Variants in LTBP2 observed in about 807,000 individuals in gnomAD.
LTBP2 encodes latent transforming growth factor beta binding protein 2.
Under a neutral mutation model 210.6 loss-of-function variants are expected in LTBP2, and 103 were observed. That is an observed-to-expected ratio of 0.49 (90% CI 0.42 to 0.58). LTBP2 has a LOEUF of 0.58. Ranked by LOEUF, LTBP2 falls within the 20% of genes least tolerant of loss-of-function variation. LTBP2 has a pLI of 0.00. For synonymous variants in LTBP2, 1,007 were observed against 1,015.0 expected, an observed-to-expected ratio of 0.99 and a Z score of 0.15; for missense variants, 2,313 against 2,494.5, an observed-to-expected ratio of 0.93 and a Z score of 1.55.
chr14:74,609,095 A>G (rs955313454), intron 1 of LTBP2, among the ~76,000 whole-genome samples: 1 of 152,200 alleles, frequency 6.6e-6, no homozygotes, highest in African/African-American at 2.4e-5. Context: ...TCTGCAGCTC[A>G]CAAGGCAATG....
chr14:74,577,270 C>T (rs1422849295), intron 3 of LTBP2, among the ~76,000 whole-genome samples: 2 of 152,132 alleles, frequency 1.3e-5, no homozygotes, highest in Non-Finnish European at 2.9e-5. Context: ...GAGTTAACCC[C>T]GCAGAGAAAG....
chr14:74,540,944 A>ATATT (rs1248514534), intron 8 of LTBP2, among the ~76,000 whole-genome samples: 4 of 24,300 alleles, frequency 1.6e-4, no homozygotes, highest in Non-Finnish European at 4.6e-4. Flanking sequence ...ATATATATAT[A>ATATT]TTTTTTATAT....
chr14:74,505,540 A>C (rs1434740087), intron 28 of LTBP2, among the ~76,000 whole-genome samples: 1 of 152,126 alleles, frequency 6.6e-6, no homozygotes, highest in Non-Finnish European at 1.5e-5. Flanking sequence ...CCTCTGGTCC[A>C]TTCTGCTTCA....
Position 74,499,586 on chromosome 14 carries a change from G to A in LTBP2, c.*1298C>T, listed in dbSNP as rs1289381579. ...TTGCCATTCATCAGAGAAGTACGAA[G>A]TCAGAGCTTTCCTTGTCTTTTAATA... On this transcript the variant is annotated 3_prime_UTR_variant, in exon 36 of 36. Coordinates refer to ENST00000261978, the MANE Select transcript of LTBP2 (RefSeq NM_000428.3). 4.4e-6 allele frequency: 1 copy of A among 228,058 alleles called. No individual in the cohort carries two copies. The highest frequency in any genetic ancestry group is 2.2e-5 in the African/African-American group (1 of 45,042). The allele number at this position is 228,058 out of a possible 1,614,324, so 14.1% of individuals were successfully genotyped here. A position where few individuals can be genotyped will look rare whatever the true frequency, so the allele number is the denominator to read the frequency against.
chr14:74,595,934 T>C (rs1290907174), intron 2 of LTBP2, among the ~76,000 whole-genome samples: 2 of 152,190 alleles, frequency 1.3e-5, no homozygotes, highest in African/African-American at 4.8e-5. Flanking sequence ...TGGTTGCTCA[T>C]GCCTGTAATC....
intron 17 of LTBP2, among the ~76,000 whole-genome samples, chr14:74,518,217 A>G (rs563755114): frequency 2.0e-5 from 3 of 152,322 alleles, no homozygotes; most frequent in Admixed American, 1.3e-4. Flanking sequence ...GTGCAGATTA[A>G]ATACAATAAT....
chr14:74,600,790 C>T (rs1044598095), intron 2 of LTBP2, among the ~76,000 whole-genome samples: 12 of 152,330 alleles, frequency 7.9e-5, no homozygotes, highest in Admixed American at 2.0e-4. Context: ...GTCCCAGTCC[C>T]TCCTGCCCAG....
At chr14:74,553,602 G>A (rs1370467711) in intron 4 of LTBP2, among the ~76,000 whole-genome samples, 1 of 152,124 alleles carries the variant, frequency 6.6e-6, no homozygotes, top group Non-Finnish European at 1.5e-5. Flanking sequence ...CAAGGATCAG[G>A]CACTTTATTT....
chr14:74,511,368 C>A lies in LTBP2; in HGVS notation c.2909-4G>T. ...GGGTGACGGCATTCGTTGATATCTG[C>A]AAAACAGCAGCCCCTCCCTTGGTCA... On this transcript the variant is annotated splice_polypyrimidine_tract_variant and splice_region_variant and intron_variant, in intron 18 of 35. Coordinates refer to ENST00000261978, the MANE Select transcript of LTBP2 (RefSeq NM_000428.3). 6.2e-7 allele frequency: 1 copy of A among 1,613,976 alleles called. No individual in the cohort carries two copies. Among genetic ancestry groups the A allele is most frequent in the South Asian group, 1.1e-5 (1 of 91,086 alleles).
chr14:74,596,258 TAA>T (rs1566653960), intron 2 of LTBP2, among the ~76,000 whole-genome samples: 205 of 150,172 alleles, frequency 1.4e-3, no homozygotes, highest in South Asian at 4.6e-3. Context: ...AATAAATAAA[TAA>T]ATAAAAATTA....
chr14:74,528,759 C>A, intron 11 of LTBP2, 61 bp from the exon 12 acceptor site: 1 of 1,582,982 alleles, frequency 6.3e-7, no homozygotes. Flanking sequence ...AAACCAGGGC[C>A]TTCCTTTCCC....
chr14:74,553,200 G>A, intron 4 of LTBP2, 138 bp from the exon 5 acceptor site: 1 of 835,990 alleles, frequency 1.2e-6, no homozygotes, highest in Non-Finnish European at 1.9e-6. Flanking sequence ...TGGACGCAGG[G>A]TCCCATCGTA....
At chr14:74,502,395 A>T (rs2086920698) in intron 34 of LTBP2, among the ~76,000 whole-genome samples, 1 of 152,166 alleles carries the variant, frequency 6.6e-6, no homozygotes, top group African/African-American at 2.4e-5. Flanking sequence ...CTCAGTCCCC[A>T]CAGGAAGCTT....
At position 74,500,570 on chromosome 14, in the gene LTBP2, AC is replaced by A; in HGVS notation, c.*313del. 2.0e-6 allele frequency: 1 copy of A among 492,836 alleles called. No individual in the cohort carries two copies. Among genetic ancestry groups the A allele is most frequent in the South Asian group, 2.0e-5 (1 of 49,174 alleles). The allele number at this position is 492,836 out of a possible 1,614,324, so 30.5% of individuals were successfully genotyped here. ...AGGCCATGGGGCCTTGCATGCTCGC[AC>A]AGCTTGGGAGGGTGGATGAGGGCCA... is the stretch of plus-strand genomic sequence containing the variant. On this transcript the variant is annotated 3_prime_UTR_variant, in exon 36 of 36. Coordinates refer to ENST00000261978, the MANE Select transcript of LTBP2 (RefSeq NM_000428.3).
Position 74,597,038 on chromosome 14 carries a change from T to C in LTBP2, c.565+6597A>G, listed in dbSNP as rs115150867. On this transcript the variant is annotated intron_variant, in intron 2 of 35. Coordinates refer to ENST00000261978, the MANE Select transcript of LTBP2 (RefSeq NM_000428.3). ...ACATCCATGAGAAGGCAGCAGATTG[T>C]TCCGGGAGCAATGCAAAAACAAAAT... Among the ~76,000 whole-genome samples, 1,035 of 152,218 alleles carry C rather than the reference T, an allele frequency of 6.8e-3. 8 individuals carry two copies. Among genetic ancestry groups the C allele is most frequent in the African/African-American group, 0.024 (998 of 41,534 alleles).
intron 1 of LTBP2, among the ~76,000 whole-genome samples, chr14:74,604,322 C>T (rs575749248): frequency 3.9e-5 from 6 of 152,088 alleles, no homozygotes; most frequent in Non-Finnish European, 2.9e-5. Flanking sequence ...GGAGTCTCAG[C>T]CCCCGGCAGT....
chr14:74,571,574 C>T (rs2087978968), intron 3 of LTBP2, among the ~76,000 whole-genome samples: 3 of 152,218 alleles, frequency 2.0e-5, no homozygotes, highest in Admixed American at 2.0e-4. Context: ...CACAATTCTG[C>T]CCTCACACGC....
chr14:74,589,195 A>G (rs2088248901), intron 2 of LTBP2, among the ~76,000 whole-genome samples: 1 of 152,224 alleles, frequency 6.6e-6, no homozygotes, highest in South Asian at 2.1e-4. Flanking sequence ...TAGAGCACTC[A>G]CTGGATGTGA....
Position 74,509,698 on chromosome 14 carries a change from TTC to T in LTBP2, c.3277+34_3277+35del, listed in dbSNP as rs1260009159. 5 of 1,613,640 alleles carry T rather than the reference TTC, an allele frequency of 3.1e-6. No individual in the cohort carries two copies. In the East Asian group the frequency reaches 1.1e-4, roughly 36 times the overall value. On this transcript the variant is annotated intron_variant, in intron 21 of 35. Coordinates refer to ENST00000261978, the MANE Select transcript of LTBP2 (RefSeq NM_000428.3). ...TCTTTGGGAGGTAAGACAGCCTATA[TTC>T]TGTCCCCTTCCACCACTGCCTCCCC...
Sources: allele counts gnomAD v4.1 joint callset (sites outside exome capture counted in the v4.1 genomes callset), GRCh38; gene constraint gnomAD v4.1.1; transcripts MANE v1.5; gene names NCBI Gene and HGNC (gene_info 2026-07-23, HGNC 2026-07-21).